The following CNTNAP2 variants were observed in gnomAD, a reference collection of about 807,000 sequenced individuals.
CNTNAP2 encodes contactin associated protein 2.
CNTNAP2 carries 98 observed loss-of-function variants against 155.2 expected under a neutral mutation model. The ratio of observed to expected loss-of-function variants is 0.63; its 90% CI spans 0.54 to 0.75. CNTNAP2 has a LOEUF of 0.75. Ranked by LOEUF, CNTNAP2 falls within the 30% of genes least tolerant of loss-of-function variation. The pLI is 0.00. For synonymous variants in CNTNAP2, 651 were observed against 631.2 expected, an observed-to-expected ratio of 1.03 and a Z score of -0.47; for missense variants, 1,727 against 1,688.1, an observed-to-expected ratio of 1.02 and a Z score of -0.40.
chr7:147,858,203 C>T (rs1249089885), intron 13 of CNTNAP2, among the ~76,000 whole-genome samples: 2 of 152,200 alleles, frequency 1.3e-5, no homozygotes, highest in East Asian at 3.9e-4. Context: ...TTCTCTGCCT[C>T]AGCCTCCTGA....
chr7:146,934,980 G>A (rs1003967472), intron 3 of CNTNAP2, among the ~76,000 whole-genome samples: 1 of 152,162 alleles, frequency 6.6e-6, no homozygotes, highest in Admixed American at 6.5e-5. Flanking sequence ...TAGTCCATTT[G>A]CTATTGTGAC....
At chr7:147,210,573 T>A (rs983931539) in intron 8 of CNTNAP2, among the ~76,000 whole-genome samples, 7 of 151,940 alleles carry the variant, frequency 4.6e-5, no homozygotes, top group African/African-American at 1.7e-4. Context: ...TTTGTAATGG[T>A]TTTTGGCTTC....
At chr7:147,052,929 G>A (rs774330505) in intron 4 of CNTNAP2, among the ~76,000 whole-genome samples, 4 of 151,966 alleles carry the variant, frequency 2.6e-5, no homozygotes, top group Non-Finnish European at 5.9e-5. Flanking sequence ...AACCAGAGAT[G>A]TTCTTGCCAT....
intron 15 of CNTNAP2, among the ~76,000 whole-genome samples, chr7:148,018,505 G>T (rs1382209011): frequency 6.6e-6 from 1 of 152,202 alleles, no homozygotes; most frequent in East Asian, 1.9e-4. Context: ...CTCACACAAT[G>T]AACCAGAAGT....
At chr7:146,742,324 A>G (rs1801732116) in intron 1 of CNTNAP2, among the ~76,000 whole-genome samples, 1 of 152,106 alleles carries the variant, frequency 6.6e-6, no homozygotes, top group Non-Finnish European at 1.5e-5. Context: ...TTCACATTCC[A>G]CTGCCAACCA....
chr7:147,654,373 G>C (rs1014804411), intron 13 of CNTNAP2, among the ~76,000 whole-genome samples: 1 of 152,184 alleles, frequency 6.6e-6, no homozygotes, highest in Non-Finnish European at 1.5e-5. Context: ...GAAGGTATAA[G>C]ATAATCAATG....
At chr7:147,878,318 AG>A (rs1799459847) in intron 13 of CNTNAP2, among the ~76,000 whole-genome samples, 1 of 152,132 alleles carries the variant, frequency 6.6e-6, no homozygotes, top group Non-Finnish European at 1.5e-5. Context: ...CTTCAAATTA[AG>A]GACAATGTCA....
At chr7:146,727,405 A>C (rs1801449870) in intron 1 of CNTNAP2, among the ~76,000 whole-genome samples, 1 of 152,190 alleles carries the variant, frequency 6.6e-6, no homozygotes, top group African/African-American at 2.4e-5. Context: ...ACCACTGAGG[A>C]GAATGATGCT....
intron 9 of CNTNAP2, among the ~76,000 whole-genome samples, chr7:147,383,311 A>G (rs1796569550): frequency 6.6e-6 from 1 of 152,158 alleles, no homozygotes; most frequent in Non-Finnish European, 1.5e-5. Context: ...AAACCAATAT[A>G]TATTATGTTT....
intron 15 of CNTNAP2, among the ~76,000 whole-genome samples, chr7:148,066,434 G>A (rs925359339): frequency 2.6e-5 from 4 of 151,982 alleles, no homozygotes; most frequent in African/African-American, 7.2e-5. Context: ...CTTAGGTTTG[G>A]TCATTTAACA....
intron 17 of CNTNAP2, among the ~76,000 whole-genome samples, chr7:148,152,069 A>G (rs1805306874): frequency 2.0e-5 from 3 of 152,200 alleles, no homozygotes. Context: ...AGAGCTCTAC[A>G]GAAGGCCACC....
At chr7:147,897,091 T>C (rs1799788598) in intron 13 of CNTNAP2, 1 of 152,240 alleles carries the variant, frequency 6.6e-6, no homozygotes, top group Non-Finnish European at 1.5e-5. Context: ...GGGAACCAGC[T>C]GTCTCTCTTC....
intron 1 of CNTNAP2, among the ~76,000 whole-genome samples, chr7:146,669,810 TTAGTG>T (rs1444970254): frequency 6.6e-6 from 1 of 151,250 alleles, no homozygotes; most frequent in African/African-American, 2.4e-5. Flanking sequence ...TTTTTAAACT[TTAGTG>T]TAAGTACTAC....
At chr7:147,719,108 T>C (rs1228827563) in intron 13 of CNTNAP2, among the ~76,000 whole-genome samples, 1 of 152,134 alleles carries the variant, frequency 6.6e-6, no homozygotes, top group Non-Finnish European at 1.5e-5. Context: ...GAGGTTATTA[T>C]TTCACCTTTG....
intron 13 of CNTNAP2, among the ~76,000 whole-genome samples, chr7:147,887,092 C>T (rs1482826221): frequency 2.6e-5 from 4 of 152,186 alleles, no homozygotes; most frequent in Non-Finnish European, 4.4e-5. Flanking sequence ...ATGCCTCTCC[C>T]TTGCTTTAAA....
chr7:146,375,049 T>G (rs963084994), intron 1 of CNTNAP2, among the ~76,000 whole-genome samples: 4 of 152,274 alleles, frequency 2.6e-5, no homozygotes, highest in African/African-American at 9.6e-5. Flanking sequence ...CATATTGCCT[T>G]TGAAAGATAC....
intron 21 of CNTNAP2, among the ~76,000 whole-genome samples, chr7:148,364,539 A>C (rs974204854): frequency 2.0e-5 from 3 of 152,114 alleles, no homozygotes; most frequent in Admixed American, 6.5e-5. Context: ...ACCAATCAGC[A>C]CCCTGTGTTT....
In CNTNAP2 at chr7:147,469,537, G is replaced by T. The variant is rs1371207153; in HGVS notation, c.1671-16398G>T. Among the ~76,000 whole-genome samples, 51 of 29,514 alleles carry T rather than the reference G, an allele frequency of 1.7e-3. 4 individuals carry two copies. The highest frequency in any genetic ancestry group is 5.7e-3 in the African/African-American group (41 of 7,188). The allele number at this position is 29,514 out of a possible 152,430, so 19.4% of individuals were successfully genotyped here. On this transcript the variant is annotated intron_variant, in intron 10 of 23. Coordinates refer to ENST00000361727, the MANE Select transcript of CNTNAP2 (RefSeq NM_014141.6). The stretch of plus-strand genomic sequence containing the variant: ...TTTTTTTTTTTTTTTTTTTTTCTGT[G>T]AGACAAAGTCTCGCTCTGCCGCCCA...
chr7:146,501,161 G>A (rs182385991), intron 1 of CNTNAP2, among the ~76,000 whole-genome samples: 208 of 152,138 alleles, frequency 1.4e-3, no homozygotes, highest in African/African-American at 4.7e-3. Context: ...ATATTAATAA[G>A]AAATATTGAT....
Sources: gnomAD v4.1 joint callset for allele counts (sites outside exome capture counted in the v4.1 genomes callset) on GRCh38, gnomAD v4.1.1 for gene constraint, MANE v1.5 for transcripts, NCBI Gene and HGNC (gene_info 2026-07-23, HGNC 2026-07-21) for gene names.